Variants in GFM1 observed in about 807,000 individuals in gnomAD.
The protein encoded by GFM1 is elongation factor G, mitochondrial.
Under a neutral mutation model 96.2 loss-of-function variants are expected in GFM1, and 62 were observed. The ratio of observed to expected loss-of-function variants is 0.64; its 90% confidence interval spans 0.53 to 0.80. The LOEUF (loss-of-function observed/expected upper bound fraction) is 0.80, where lower values mean the gene tolerates loss of function less well. Among genes scored for constraint, GFM1 ranks in the 30% least tolerant of loss-of-function variants. The pLI is 0.00. For missense variants in GFM1, 852 were observed against 916.6 expected, an observed-to-expected ratio of 0.93 and a Z score of 0.91; for synonymous variants, 282 against 312.9, an observed-to-expected ratio of 0.90 and a Z score of 1.04.
chr3:158,682,416 CTACTG>C, intron 14 of GFM1: 1 of 434,810 alleles, frequency 2.3e-6, no homozygotes, highest in Admixed American at 3.7e-5. Context: ...TAAATTGAAA[CTACTG>C]TATTGATTGT....
chr3:158,657,776 T>G (rs1722883785), intron 8 of GFM1, among the ~76,000 whole-genome samples: 1 of 152,150 alleles, frequency 6.6e-6, no homozygotes, highest in Non-Finnish European at 1.5e-5. Flanking sequence ...GCACAATCCT[T>G]TCTTCCTTTT....
At chr3:158,662,539 T>C (rs1723274855) in intron 10 of GFM1, 89 bp from the exon 11 acceptor site, 1 of 787,870 alleles carries the variant, frequency 1.3e-6, no homozygotes, top group Admixed American at 1.7e-5. Flanking sequence ...CTTTGTTCTG[T>C]TGTAAAGTGG....
intron 13 of GFM1, among the ~76,000 whole-genome samples, chr3:158,680,490 C>G (rs1334786145): frequency 6.6e-6 from 1 of 152,180 alleles, no homozygotes; most frequent in Admixed American, 6.5e-5. Flanking sequence ...GTAGCACCTT[C>G]GGTTAGCTTT....
At chr3:158,688,151 C>G (rs1390064953) in intron 15 of GFM1, among the ~76,000 whole-genome samples, 6 of 152,056 alleles carry the variant, frequency 3.9e-5, no homozygotes, top group African/African-American at 1.4e-4. Context: ...TTCATTTGAG[C>G]CTAATTTTAA....
intron 13 of GFM1, among the ~76,000 whole-genome samples, chr3:158,677,155 A>G (rs6802317): frequency 0.58 from 87,960 of 152,076 alleles, 26,279 homozygotes; most frequent in African/African-American, 0.73. Flanking sequence ...ATTTTGAGGT[A>G]CCATGAAACC....
intron 7 of GFM1, 138 bp downstream of exon 7, chr3:158,653,605 A>G: frequency 1.5e-6 from 1 of 682,874 alleles, no homozygotes; most frequent in South Asian, 1.9e-5. Context: ...TTATTTGGGT[A>G]ACAATTTTGA....
At chr3:158,652,635 A>G (rs1396576885) in intron 6 of GFM1, among the ~76,000 whole-genome samples, 1 of 152,200 alleles carries the variant, frequency 6.6e-6, no homozygotes, top group Non-Finnish European at 1.5e-5. Context: ...CCAGCAGGAC[A>G]CATTGATGGT....
intron 13 of GFM1, chr3:158,672,371 C>T (rs1240671312): frequency 1.2e-6 from 2 of 1,613,990 alleles, no homozygotes; most frequent in Non-Finnish European, 1.7e-6. Context: ...CTTGTTTGAC[C>T]TTCTGCACCT....
At chr3:158,657,449 C>T (rs1368005025) in intron 8 of GFM1, 2 of 152,054 alleles carry the variant, frequency 1.3e-5, no homozygotes, top group African/African-American at 2.4e-5. Context: ...AAAATCATTA[C>T]TGATTTAACA....
At chr3:158,648,725 A>G (rs969556576) in intron 4 of GFM1, among the ~76,000 whole-genome samples, 11 of 147,620 alleles carry the variant, frequency 7.5e-5, no homozygotes, top group South Asian at 4.2e-4. Flanking sequence ...CTATCCTACT[A>G]TTTAATTTCC....
At chr3:158,649,959 C>G in intron 5 of GFM1, 1 of 1,456,154 alleles carries the variant, frequency 6.9e-7, no homozygotes, top group Non-Finnish European at 9.3e-7. Flanking sequence ...ATAAATGATC[C>G]TTTGTTCTGA....
At chr3:158,646,999 C>A in intron 4 of GFM1, 52 bp downstream of exon 4, 1 of 1,373,310 alleles carries the variant, frequency 7.3e-7, no homozygotes, top group Non-Finnish European at 1.0e-6. Context: ...GACAGCAAAC[C>A]TTATATCCAA....
intron 13 of GFM1, among the ~76,000 whole-genome samples, chr3:158,670,356 G>A (rs1036340588): frequency 2.0e-5 from 3 of 152,192 alleles, no homozygotes; most frequent in Admixed American, 6.5e-5. Context: ...GTGAAAAATA[G>A]AATGAGAAAA....
chr3:158,695,033 C>T lies in GFM1; in HGVS notation c.*3566C>T, dbSNP rs1225987563. Among the ~76,000 whole-genome samples the T allele has an allele frequency of 6.6e-6, 1 of 152,130 alleles. No homozygotes were observed. Among genetic ancestry groups the T allele is most frequent in the Non-Finnish European group, 1.5e-5 (1 of 68,014 alleles). ...TTTTCTGTTTTATTAGCTAGTGAAA[C>T]CAATGTTGGTAAAATTAAGTTAACA... On this transcript the variant is annotated 3_prime_UTR_variant, in exon 18 of 18. Transcript: ENST00000486715.
intron 13 of GFM1, among the ~76,000 whole-genome samples, chr3:158,673,251 C>T (rs571192320): frequency 2.0e-5 from 3 of 152,284 alleles, no homozygotes; most frequent in South Asian, 2.1e-4. Context: ...TTTGATGTAA[C>T]GCCATGCTTC....
chr3:158,691,661 C>T lies in GFM1; in HGVS notation c.*194C>T. 1 of 536,394 alleles carries T rather than the reference C, an allele frequency of 1.9e-6. No individual in the cohort carries two copies. The highest frequency in any genetic ancestry group is 2.0e-5 in the South Asian group (1 of 48,986). 33.2% of individuals were successfully genotyped at this position (536,394 alleles called of 1,614,324 possible). On this transcript the variant is annotated 3_prime_UTR_variant, in exon 18 of 18. Coordinates refer to ENST00000486715, the MANE Select transcript of GFM1 (RefSeq NM_024996.7). The stretch of plus-strand genomic sequence containing the variant: ...GTTATATTCAAAGGTAATTCTATGT[C>T]TATCTCAACTCTATTGATTGGTTTT...
At chr3:158,666,162 T>C in intron 12 of GFM1, 142 bp from the exon 13 acceptor site, 1 of 667,320 alleles carries the variant, frequency 1.5e-6, no homozygotes, top group Non-Finnish European at 2.7e-6. Flanking sequence ...ACATACCTAA[T>C]CCTTATAAGA....
intron 13 of GFM1, among the ~76,000 whole-genome samples, chr3:158,674,964 C>A (rs1015692947): frequency 1.3e-5 from 2 of 152,094 alleles, no homozygotes; most frequent in Non-Finnish European, 2.9e-5. Context: ...GTCAAATGAA[C>A]TTAAATAGCC....
intron 6 of GFM1, 64 bp from the exon 7 acceptor site, chr3:158,653,246 A>C (rs1424375088): frequency 7.8e-7 from 1 of 1,280,598 alleles, no homozygotes; most frequent in African/African-American, 1.5e-5. Context: ...ATTTGTTTGT[A>C]GTTGACTTGA....
Sources: allele counts gnomAD v4.1 joint callset (sites outside exome capture counted in the v4.1 genomes callset), GRCh38; gene constraint gnomAD v4.1.1; transcripts MANE v1.5; gene names NCBI Gene and HGNC (gene_info 2026-07-23, HGNC 2026-07-21).